Variants in SDK1 observed in about 807,000 individuals in gnomAD.
SDK1 encodes protein sidekick-1.
Under a neutral mutation model 245.5 loss-of-function variants are expected in SDK1, and 157 were observed. The observed-to-expected ratio is 0.64, with a 90% CI of 0.56 to 0.73. The LOEUF (loss-of-function observed/expected upper bound fraction) is 0.73, where lower values mean the gene tolerates loss of function less well. Among genes scored for constraint, SDK1 ranks in the 30% least tolerant of loss-of-function variants. The pLI, the probability that SDK1 is intolerant of heterozygous loss-of-function variation, is 0.00. For missense variants in SDK1, 3,583 were observed against 3,002.3 expected, an observed-to-expected ratio of 1.19 and a Z score of -4.52; for synonymous variants, 1,647 against 1,278.5, an observed-to-expected ratio of 1.29 and a Z score of -6.15.
intron 4 of SDK1, among the ~76,000 whole-genome samples, chr7:3,819,979 C>T (rs967691757): frequency 1.3e-5 from 2 of 152,082 alleles, no homozygotes; most frequent in African/African-American, 4.8e-5. Flanking sequence ...TGTAACTATT[C>T]CCTATAGAGT....
chr7:3,433,447 G>C (rs181448858), intron 1 of SDK1, among the ~76,000 whole-genome samples: 4 of 152,214 alleles, frequency 2.6e-5, no homozygotes, highest in Non-Finnish European at 5.9e-5. Flanking sequence ...AGGTAAGGAA[G>C]GTTCCTGGAT....
intron 4 of SDK1, among the ~76,000 whole-genome samples, chr7:3,785,562 T>G (rs1415892676): frequency 6.6e-6 from 1 of 152,198 alleles, no homozygotes; most frequent in Non-Finnish European, 1.5e-5. Context: ...AGACAAAATA[T>G]AAGAAAACAT....
At chr7:4,245,888 T>A in intron 44 of SDK1, 83 bp downstream of exon 44, 1 of 1,541,606 alleles carries the variant, frequency 6.5e-7, no homozygotes, top group East Asian at 2.3e-5. Context: ...GGCTGTCTTG[T>A]CCTATTTGAG....
At position 4,266,868 on chromosome 7, in the gene SDK1, C is replaced by T; in HGVS notation, c.*1484C>T. 3 of 985,528 alleles carry T rather than the reference C, an allele frequency of 3.0e-6. No homozygotes were observed. The highest frequency in any genetic ancestry group is 3.6e-6 in the Non-Finnish European group (3 of 830,012). 61.0% of individuals were successfully genotyped at this position (985,528 alleles called of 1,614,324 possible). A position where few individuals can be genotyped will look rare whatever the true frequency, so the allele number is the denominator to read the frequency against. ...AGACTCAAGACCACCCTGTCAGTGC[C>T]CCCCAGTGCACGGCAAACGGGCAGG... On this transcript the variant is annotated 3_prime_UTR_variant, in exon 45 of 45. Transcript: ENST00000404826.
chr7:4,167,595 A>G (rs949482077), intron 32 of SDK1, among the ~76,000 whole-genome samples: 86 of 152,196 alleles, frequency 5.7e-4, no homozygotes, highest in African/African-American at 1.8e-3. Context: ...AGATGAGGTC[A>G]TGTTGAACTC....
At chr7:4,164,372 CACA>C (rs1781359857) in intron 32 of SDK1, among the ~76,000 whole-genome samples, 1 of 152,156 alleles carries the variant, frequency 6.6e-6, no homozygotes, top group Non-Finnish European at 1.5e-5. Context: ...TCAGGTCTCA[CACA>C]ACATCTCCAG....
chr7:3,672,796 A>ATATAT (rs1554307151), intron 4 of SDK1, among the ~76,000 whole-genome samples: 234 of 53,288 alleles, frequency 4.4e-3, no homozygotes, highest in East Asian at 0.01. Flanking sequence ...TATATATATA[A>ATATAT]AAAATACAGA....
intron 38 of SDK1, among the ~76,000 whole-genome samples, chr7:4,215,243 G>C (rs1784728452): frequency 6.6e-6 from 1 of 152,234 alleles, no homozygotes; most frequent in East Asian, 1.9e-4. Flanking sequence ...GGGGGCCAGA[G>C]CACTGGCATC....
At chr7:3,476,889 G>T (rs140195271) in intron 1 of SDK1, among the ~76,000 whole-genome samples, 1 of 152,272 alleles carries the variant, frequency 6.6e-6, no homozygotes, top group African/African-American at 2.4e-5. Context: ...AGGGCTTTTG[G>T]CAGTAAGTGG....
chr7:3,825,358 G>C (rs1480567694), intron 5 of SDK1, among the ~76,000 whole-genome samples: 1 of 143,560 alleles, frequency 7.0e-6, no homozygotes, highest in African/African-American at 2.6e-5. Flanking sequence ...GCGATGAGAC[G>C]AATTCTATAC....
At position 4,162,369 on chromosome 7, in the gene SDK1, GTTATTATTATTATTATTA is replaced by G. The variant is rs533484732; in HGVS notation, c.4800+543_4800+560del. Among the ~76,000 whole-genome samples, 466 of 128,378 alleles carry G rather than the reference GTTATTATTATTATTATTA, an allele frequency of 3.6e-3. 2 individuals carry two copies. Among genetic ancestry groups the G allele is most frequent in the Middle Eastern group, 8.6e-3 (2 of 232 alleles). 84.2% of individuals were successfully genotyped at this position (128,378 alleles called of 152,430 possible). On this transcript the variant is annotated intron_variant, in intron 32 of 44. Transcript: ENST00000404826. ...GGTGGTGGTGGTGGTTGTTGTTGTT[GTTATTATTATTATTATTA>G]TTATTATTATTATTATTATTATTAT...
chr7:3,332,779 C>T (rs1361331963), intron 1 of SDK1, among the ~76,000 whole-genome samples: 3 of 152,082 alleles, frequency 2.0e-5, no homozygotes, highest in African/African-American at 7.2e-5. Flanking sequence ...ACTTCTTTTC[C>T]CCCCAGGAAT....
chr7:3,374,523 G>T (rs1010231202), intron 1 of SDK1, among the ~76,000 whole-genome samples: 5 of 152,118 alleles, frequency 3.3e-5, no homozygotes, highest in Non-Finnish European at 5.9e-5. Flanking sequence ...CCACCAGAAG[G>T]TCTCTCTCCT....
intron 14 of SDK1, among the ~76,000 whole-genome samples, chr7:4,006,462 G>A (rs995048794): frequency 6.6e-6 from 1 of 152,198 alleles, no homozygotes; most frequent in African/African-American, 2.4e-5. Context: ...CCTCTTCTGT[G>A]AGGACCGGCT....
rs539173538 is a variant in SDK1 at position 3,479,659 on chromosome 7, C to T, written c.299-139421C>T. 5.2e-4 allele frequency among the ~76,000 whole-genome samples: 79 copies of T among 151,700 alleles called. 1 individual carries two copies. The highest frequency in any genetic ancestry group is 1.8e-3 in the African/African-American group (76 of 41,366). On this transcript the variant is annotated intron_variant, in intron 1 of 44. Transcript: ENST00000404826. ...TGGGGGGATCATGAGGTCAGGAGTTCGAGACCAGCCTGGGCAACATAGTGA... is the reference window on the plus strand; with the variant it reads ...TGGGGGGATCATGAGGTCAGGAGTTTGAGACCAGCCTGGGCAACATAGTGA...
chr7:4,075,558 T>A (rs946151109), intron 20 of SDK1, among the ~76,000 whole-genome samples: 14 of 152,076 alleles, frequency 9.2e-5, no homozygotes, highest in African/African-American at 3.1e-4. Context: ...TCCACCACTG[T>A]CTCCCTCTTT....
chr7:3,722,292 G>T (rs1235573080), intron 4 of SDK1, among the ~76,000 whole-genome samples: 2 of 152,134 alleles, frequency 1.3e-5, no homozygotes, highest in African/African-American at 2.4e-5. Context: ...GCCACTATTA[G>T]AGAGACAGGA....
chr7:3,603,100 T>C (rs1354444818), intron 1 of SDK1, among the ~76,000 whole-genome samples: 2 of 151,342 alleles, frequency 1.3e-5, no homozygotes, highest in Non-Finnish European at 1.5e-5. Flanking sequence ...TAGTATAGTT[T>C]GAAGTCAGGT....
intron 32 of SDK1, among the ~76,000 whole-genome samples, chr7:4,165,558 C>T (rs1303113880): frequency 2.0e-5 from 3 of 151,480 alleles, no homozygotes; most frequent in South Asian, 2.1e-4. Flanking sequence ...GGTACGATCT[C>T]GGCTCACTGC....
Sources: gnomAD v4.1 joint callset for allele counts (sites outside exome capture counted in the v4.1 genomes callset) on GRCh38, gnomAD v4.1.1 for gene constraint, MANE v1.5 for transcripts, NCBI Gene and HGNC (gene_info 2026-07-23, HGNC 2026-07-21) for gene names.